The following SEPTIN9 variants were observed in gnomAD, a reference collection of about 807,000 sequenced individuals.
SEPTIN9 encodes septin-9.
In SEPTIN9, 13 loss-of-function variants were observed where a neutral mutation model predicts 56.6. The ratio of observed to expected loss-of-function variants is 0.23; its 90% CI spans 0.15 to 0.37. The LOEUF is 0.37. Ranked by LOEUF, SEPTIN9 falls within the 10% of genes least tolerant of loss-of-function variation. SEPTIN9 has a pLI of 1.00. For missense variants in SEPTIN9, 650 were observed against 823.1 expected (o/e 0.79, Z 2.57); for synonymous variants, 332 against 334.1 (o/e 0.99, Z 0.07).
At chr17:77,485,252 T>TG (rs2039720374) in intron 4 of SEPTIN9, among the ~76,000 whole-genome samples, 4 of 93,160 alleles carry the variant, frequency 4.3e-5, no homozygotes, top group African/African-American at 1.5e-4. Flanking sequence ...ATTGTGATGG[T>TG]GGTGATTGTG....
chr17:77,482,929 A>C, intron 4 of SEPTIN9: 2 of 220,252 alleles, frequency 9.1e-6, no homozygotes, highest in Non-Finnish European at 9.1e-6. Flanking sequence ...GTCCCATTCA[A>C]ACCTCACAGG....
chr17:77,393,707 C>T (rs1037380965), intron 2 of SEPTIN9, among the ~76,000 whole-genome samples: 1 of 152,204 alleles, frequency 6.6e-6, no homozygotes. Flanking sequence ...CTGCCTCAGC[C>T]TCCCGAGTAG....
In SEPTIN9 at chr17:77,326,414, G is replaced by T. The variant is rs963941971; in HGVS notation, c.76+19217G>T. Among the ~76,000 whole-genome samples the T allele has an allele frequency of 6.6e-6, 1 of 152,218 alleles. No homozygotes were observed. Among genetic ancestry groups the T allele is most frequent in the Non-Finnish European group, 1.5e-5 (1 of 68,044 alleles). On this transcript the variant is annotated intron_variant, in intron 2 of 11. Transcript: ENST00000427177. This position sits in a 1 kb window ranked among gnomAD's most constrained non-coding sequence, Gnocchi z 5.1. ...ACCTGCGGTTCGTAGGACCAGGTCA[G>T]GAGGGCTGCCTCGGGGGGACACCTT...
rs2033539652 is a variant in SEPTIN9, at chr17:77,336,015, G to A, written c.76+28818G>A. Among the ~76,000 whole-genome samples, 4 of 35,142 alleles carry A rather than the reference G, an allele frequency of 1.1e-4. No homozygotes were observed. The Admixed American group carries it at 1.3e-3, about 12-fold the overall frequency. The allele number at this position is 35,142 out of a possible 152,430, so 23.1% of individuals were successfully genotyped here. A position where few individuals can be genotyped will look rare whatever the true frequency, so the allele number is the denominator to read the frequency against. On this transcript the variant is annotated intron_variant, in intron 2 of 11. Transcript: ENST00000427177. ...ATATTAGTATATGTACTGTATACAT[G>A]TAGGTCCTATGTTGACTGTATATGT...
chr17:77,306,061 A>C (rs1243761959), intron 1 of SEPTIN9, among the ~76,000 whole-genome samples: 1 of 103,686 alleles, frequency 9.6e-6, no homozygotes, highest in East Asian at 2.8e-4. Context: ...GGATGTGTGG[A>C]GGGGTGGTGG....
At chr17:77,349,185 C>T (rs1042039273) in intron 2 of SEPTIN9, among the ~76,000 whole-genome samples, 1 of 152,136 alleles carries the variant, frequency 6.6e-6, no homozygotes, top group African/African-American at 2.4e-5. Flanking sequence ...CCTGCCCAAT[C>T]TCAACTCACC....
chr17:77,490,662 G>A, intron 7 of SEPTIN9, 80 bp from the exon 8 acceptor site: 18 of 1,121,184 alleles, frequency 1.6e-5, no homozygotes, highest in Non-Finnish European at 2.2e-5. Flanking sequence ...ACCTGAGAGT[G>A]TCGACACCTG....
In SEPTIN9 at chr17:77,327,767, T is replaced by G. The variant is rs564540088; in HGVS notation, c.76+20570T>G. Among the ~76,000 whole-genome samples, 17 of 152,152 alleles carry G rather than the reference T, an allele frequency of 1.1e-4. No homozygotes were observed. Among genetic ancestry groups the G allele is most frequent in the Non-Finnish European group, 2.2e-4 (15 of 68,008 alleles). ...TTTTTCTAAATGGGGAAACTCTGACTTGAACACTGAATAAACAACACACCC... is the reference window on the plus strand; with the variant it reads ...TTTTTCTAAATGGGGAAACTCTGACGTGAACACTGAATAAACAACACACCC... On this transcript the variant is annotated intron_variant, in intron 2 of 11. Coordinates refer to ENST00000427177, the MANE Select transcript of SEPTIN9 (RefSeq NM_001113491.2). This position sits in a 1 kb window ranked among gnomAD's most constrained non-coding sequence, Gnocchi z 5.0.
intron 2 of SEPTIN9, among the ~76,000 whole-genome samples, chr17:77,352,029 G>A (rs925706138): frequency 2.6e-5 from 4 of 152,316 alleles, no homozygotes; most frequent in African/African-American, 9.6e-5. Context: ...GGCCCTTGCC[G>A]GGCCACCCTG....
intron 2 of SEPTIN9, among the ~76,000 whole-genome samples, chr17:77,392,018 C>G (rs1157173032): frequency 2.0e-5 from 3 of 152,236 alleles, no homozygotes; most frequent in African/African-American, 7.2e-5. Context: ...GCTGCTGTGC[C>G]CCATAGGCAG....
At position 77,475,233 on chromosome 17, in the gene SEPTIN9, A is replaced by G; in HGVS notation, c.722-6911A>G. On this transcript the variant is annotated intron_variant, in intron 3 of 11. Coordinates refer to ENST00000427177, the MANE Select transcript of SEPTIN9 (RefSeq NM_001113491.2). The surrounding 1 kb of genome is among the most constrained non-coding windows in gnomAD (Gnocchi z 4.6). Reference sequence around the variant, plus strand: ...GTTGTGGTGAGAGGAAACCGCACACATCATTATTCAGTTACCATCGTGGGG... The same window carrying G: ...GTTGTGGTGAGAGGAAACCGCACACGTCATTATTCAGTTACCATCGTGGGG... The G allele has an allele frequency of 6.1e-6, 8 of 1,311,664 alleles. No individual in the cohort carries two copies. The highest frequency in any genetic ancestry group is 7.8e-6 in the Non-Finnish European group (8 of 1,028,650). The allele number at this position is 1,311,664 out of a possible 1,614,324, so 81.3% of individuals were successfully genotyped here. A position where few individuals can be genotyped will look rare whatever the true frequency, so the allele number is the denominator to read the frequency against.
At chr17:77,385,382 C>G (rs1160797267) in intron 2 of SEPTIN9, among the ~76,000 whole-genome samples, 1 of 151,666 alleles carries the variant, frequency 6.6e-6, no homozygotes, top group Non-Finnish European at 1.5e-5. Context: ...TTGGAGTTGC[C>G]AGCTCACATA....
chr17:77,389,333 A>G lies in SEPTIN9; in HGVS notation c.77-12726A>G, dbSNP rs2144023682. On this transcript the variant is annotated intron_variant, in intron 2 of 11. Coordinates refer to ENST00000427177, the MANE Select transcript of SEPTIN9 (RefSeq NM_001113491.2). This position sits in a 1 kb window ranked among gnomAD's most constrained non-coding sequence, Gnocchi z 4.3. Reference sequence around the variant, plus strand: ...GTGGGGACGAGGGGGCTATGAGCAGACCAGGAGCCAGCATCACGTTTCTCT... The same window carrying G: ...GTGGGGACGAGGGGGCTATGAGCAGGCCAGGAGCCAGCATCACGTTTCTCT... Among the ~76,000 whole-genome samples, 1 of 152,124 alleles carries G rather than the reference A, an allele frequency of 6.6e-6. No homozygotes were observed. The highest frequency in any genetic ancestry group is 1.5e-5 in the Non-Finnish European group (1 of 67,962).
chr17:77,426,667 C>T lies in SEPTIN9; in HGVS notation c.721+23964C>T, dbSNP rs953464144. 3.3e-5 allele frequency among the ~76,000 whole-genome samples: 5 copies of T among 152,176 alleles called. 1 individual carries two copies. Among genetic ancestry groups the T allele is most frequent in the South Asian group, 4.1e-4 (2 of 4,832 alleles). The stretch of plus-strand genomic sequence containing the variant: ...CCGCCTCATTCAGGTCTTGCTGAAG[C>T]GCTGCCATCTTGGAGAGGCCTCCCT... On this transcript the variant is annotated intron_variant, in intron 3 of 11. Transcript: ENST00000427177.
intron 2 of SEPTIN9, among the ~76,000 whole-genome samples, chr17:77,312,947 C>T (rs536962085): frequency 2.0e-5 from 3 of 152,346 alleles, no homozygotes; most frequent in East Asian, 1.9e-4. Context: ...ATATTGACTA[C>T]GGCAGATACA....
At position 77,405,584 on chromosome 17, in the gene SEPTIN9, A is replaced by G. The variant is rs2036040291; in HGVS notation, c.721+2881A>G. ...GGAGAGGTCCGTGGGCTGGGCTGAC[A>G]GTCCTGAGGGCCTAAGCAAGTCCAG... On this transcript the variant is annotated intron_variant, in intron 3 of 11. Coordinates refer to ENST00000427177, the MANE Select transcript of SEPTIN9 (RefSeq NM_001113491.2). The surrounding 1 kb of genome is among the most constrained non-coding windows in gnomAD (Gnocchi z 5.8). Among the ~76,000 whole-genome samples, 1 of 152,122 alleles carries G rather than the reference A, an allele frequency of 6.6e-6. No homozygotes were observed. Among genetic ancestry groups the G allele is most frequent in the Admixed American group, 6.5e-5 (1 of 15,278 alleles).
intron 2 of SEPTIN9, among the ~76,000 whole-genome samples, chr17:77,309,741 T>A (rs55687249): frequency 0.16 from 24,110 of 150,044 alleles, 2,083 homozygotes; most frequent in African/African-American, 0.21. Context: ...TCTTTCCTTT[T>A]AAAAAAAAAA....
chr17:77,333,437 A>T (rs1353609911), intron 2 of SEPTIN9, among the ~76,000 whole-genome samples: 1 of 152,134 alleles, frequency 6.6e-6, no homozygotes, highest in Non-Finnish European at 1.5e-5. Context: ...GTATTGCCCA[A>T]GCAGGTCTGA....
At chr17:77,424,542 C>T (rs974317127) in intron 3 of SEPTIN9, among the ~76,000 whole-genome samples, 4 of 152,218 alleles carry the variant, frequency 2.6e-5, no homozygotes, top group African/African-American at 7.2e-5. Flanking sequence ...TCAAGGTACC[C>T]CTTGAGGGTA....
Sources: allele counts gnomAD v4.1 joint callset (sites outside exome capture counted in the v4.1 genomes callset), GRCh38; gene constraint gnomAD v4.1.1; non-coding constraint Gnocchi (gnomAD v3.1); transcripts MANE v1.5; gene names NCBI Gene and HGNC (gene_info 2026-07-23, HGNC 2026-07-21).